The following LYPLAL1 variants were observed in gnomAD, a reference collection of about 807,000 sequenced individuals.
LYPLAL1 encodes the protein lysophospholipase like 1, also known as lysophospholipase-like protein 1.
In LYPLAL1, 23 loss-of-function variants were observed where a neutral mutation model predicts 19.7. The ratio of observed to expected loss-of-function variants is 1.17; its 90% CI spans 0.84 to 1.65. LYPLAL1 has a LOEUF of 1.65. Among genes scored for constraint, LYPLAL1 ranks in the 40% most tolerant of loss-of-function variants. LYPLAL1 has a pLI of 0.00. For synonymous variants in LYPLAL1, 119 were observed against 96.3 expected, an observed-to-expected ratio of 1.24 and a Z score of -1.38; for missense variants, 355 against 279.4, an observed-to-expected ratio of 1.27 and a Z score of -1.93.
chr1:219,376,500 G>A, the LYPLAL1 span, among the ~76,000 whole-genome samples: 1 of 152,084 alleles, frequency 6.6e-6, no homozygotes, highest in Non-Finnish European at 1.5e-5. Flanking sequence ...AAACTTTTGT[G>A]CATTGAAAGA....
At chr1:219,241,250 T>G in the LYPLAL1 span, among the ~76,000 whole-genome samples, 2 of 149,786 alleles carry the variant, frequency 1.3e-5, no homozygotes, top group African/African-American at 4.9e-5. Context: ...ATCTTGGATC[T>G]TACTATTTGG....
intron 2 of LYPLAL1, among the ~76,000 whole-genome samples, chr1:219,180,559 T>G (rs1188492386): frequency 1.3e-5 from 2 of 152,156 alleles, no homozygotes; most frequent in East Asian, 3.8e-4. Context: ...CAGTGGTTAT[T>G]TTTGTGCTAT....
intron 3 of LYPLAL1, among the ~76,000 whole-genome samples, chr1:219,198,946 A>G (rs1328361956): frequency 2.0e-5 from 3 of 152,300 alleles, no homozygotes; most frequent in African/African-American, 7.2e-5. Flanking sequence ...CTACTTACAC[A>G]TGACATATAA....
At chr1:219,318,234 T>C in the LYPLAL1 span, among the ~76,000 whole-genome samples, 1 of 152,170 alleles carries the variant, frequency 6.6e-6, no homozygotes, top group African/African-American at 2.4e-5. Context: ...ATCATGCTTC[T>C]CTAATTTTCC....
chr1:219,336,522 CTG>C, the LYPLAL1 span, among the ~76,000 whole-genome samples: 1 of 151,946 alleles, frequency 6.6e-6, no homozygotes, highest in African/African-American at 2.4e-5. Flanking sequence ...AATACCAACA[CTG>C]TTGCCATTGG....
chr1:219,368,759 A>G, the LYPLAL1 span, among the ~76,000 whole-genome samples: 1 of 152,250 alleles, frequency 6.6e-6, no homozygotes, highest in African/African-American at 2.4e-5. Context: ...GGGTAGCAGT[A>G]AGTATAGTGA....
chr1:219,233,003 A>G, the LYPLAL1 span, among the ~76,000 whole-genome samples: 1 of 152,212 alleles, frequency 6.6e-6, no homozygotes, highest in Non-Finnish European at 1.5e-5. Context: ...TTAAAAATAG[A>G]ATTACCTTAT....
chr1:219,351,085 A>G, the LYPLAL1 span, among the ~76,000 whole-genome samples: 7 of 151,854 alleles, frequency 4.6e-5, no homozygotes, highest in African/African-American at 1.7e-4. Flanking sequence ...AGATCTTTCT[A>G]CTATATTTGT....
chr1:219,264,774 A>G, the LYPLAL1 span, among the ~76,000 whole-genome samples: 1 of 152,196 alleles, frequency 6.6e-6, no homozygotes, highest in East Asian at 1.9e-4. Context: ...AGGAGGGAGC[A>G]CATTTATTGT....
intron 3 of LYPLAL1, among the ~76,000 whole-genome samples, chr1:219,206,056 T>C (rs563676096): frequency 1.3e-5 from 2 of 152,168 alleles, no homozygotes; most frequent in Middle Eastern, 3.2e-3. Flanking sequence ...TAATGGACTT[T>C]ATTGCATGTT....
At chr1:219,439,369 G>A in the LYPLAL1 span, among the ~76,000 whole-genome samples, 11 of 152,138 alleles carry the variant, frequency 7.2e-5, no homozygotes, top group Non-Finnish European at 1.3e-4. Flanking sequence ...TAACCAGGGT[G>A]CTGATGTTCA....
At chr1:219,258,626 T>C in the LYPLAL1 span, among the ~76,000 whole-genome samples, 3 of 152,086 alleles carry the variant, frequency 2.0e-5, no homozygotes, top group Non-Finnish European at 4.4e-5. Context: ...ATTTACATTA[T>C]GTCATTACTA....
the LYPLAL1 span, among the ~76,000 whole-genome samples, chr1:219,332,684 A>G: frequency 6.6e-6 from 1 of 151,576 alleles, no homozygotes; most frequent in Non-Finnish European, 1.5e-5. Context: ...GAGAAGACTT[A>G]TTTCTTATTA....
chr1:219,283,981 T>TAA, the LYPLAL1 span, among the ~76,000 whole-genome samples: 1 of 152,226 alleles, frequency 6.6e-6, no homozygotes, highest in African/African-American at 2.4e-5. Flanking sequence ...TCTCAAATTG[T>TAA]AATTCCCACG....
At chr1:219,256,539 CA>C in the LYPLAL1 span, among the ~76,000 whole-genome samples, 4 of 151,752 alleles carry the variant, frequency 2.6e-5, no homozygotes, top group South Asian at 8.3e-4. Flanking sequence ...TTTGAAAGAA[CA>C]AACTTTTGGC....
the LYPLAL1 span, among the ~76,000 whole-genome samples, chr1:219,304,945 G>C: frequency 6.6e-6 from 1 of 152,242 alleles, no homozygotes; most frequent in African/African-American, 2.4e-5. Context: ...TCCAGTGTCA[G>C]ATATTGTTCC....
the LYPLAL1 span, among the ~76,000 whole-genome samples, chr1:219,348,792 G>A: frequency 6.6e-6 from 1 of 152,162 alleles, no homozygotes; most frequent in East Asian, 1.9e-4. Context: ...TTGATTGAGT[G>A]CCTGCTATAT....
the LYPLAL1 span, among the ~76,000 whole-genome samples, chr1:219,339,029 A>G: frequency 6.6e-6 from 1 of 151,854 alleles, no homozygotes; most frequent in Non-Finnish European, 1.5e-5. Context: ...GCCTCACCCT[A>G]TATTAGGGTC....
At chr1:219,377,380 T>G in the LYPLAL1 span, among the ~76,000 whole-genome samples, 6 of 152,146 alleles carry the variant, frequency 3.9e-5, no homozygotes, top group South Asian at 1.0e-3. Flanking sequence ...GAGTTTCAGT[T>G]TGAGAAGATA....
Sources: allele counts gnomAD v4.1 joint callset (sites outside exome capture counted in the v4.1 genomes callset), GRCh38; gene constraint gnomAD v4.1.1; transcripts MANE v1.5; gene names NCBI Gene and HGNC (gene_info 2026-07-23, HGNC 2026-07-21).